SNX19: variants seen among roughly 807,000 people sequenced by gnomAD.
SNX19 encodes the protein sorting nexin-19.
A neutral mutation model predicts 85.2 loss-of-function variants in SNX19; 60 were observed. The observed-to-expected ratio is 0.70, with a 90% CI of 0.57 to 0.87. The LOEUF is 0.87. SNX19 is among the 40% of genes least tolerant of loss of function. The pLI is 0.00. For missense variants in SNX19, 1,201 were observed against 1,217.8 expected, an observed-to-expected ratio of 0.99 and a Z score of 0.21; for synonymous variants, 520 against 470.0, an observed-to-expected ratio of 1.11 and a Z score of -1.38.
At chr11:130,880,132 C>T (rs545142544) in intron 9 of SNX19, among the ~76,000 whole-genome samples, 1 of 152,332 alleles carries the variant, frequency 6.6e-6, no homozygotes, top group Admixed American at 6.5e-5. Context: ...ACAACCTTCT[C>T]AGATTTTGTT....
chr11:130,900,284 C>T (rs535600619), intron 8 of SNX19, among the ~76,000 whole-genome samples: 14 of 152,216 alleles, frequency 9.2e-5, no homozygotes, highest in East Asian at 7.7e-4. Flanking sequence ...CCAGCCTGGG[C>T]GACAGAATGA....
chr11:130,894,309 G>A (rs945641236), intron 8 of SNX19, among the ~76,000 whole-genome samples: 1 of 152,140 alleles, frequency 6.6e-6, no homozygotes, highest in South Asian at 2.1e-4. Context: ...TTTTTAACGG[G>A]TGGGATCCAC....
chr11:130,886,778 C>T (rs1279124887), intron 8 of SNX19, among the ~76,000 whole-genome samples: 1 of 152,232 alleles, frequency 6.6e-6, no homozygotes, highest in Non-Finnish European at 1.5e-5. Flanking sequence ...CCTCTGTCTT[C>T]CTGCCATGGC....
intron 2 of SNX19, chr11:130,911,310 G>C: frequency 2.6e-6 from 1 of 385,402 alleles, no homozygotes; most frequent in Non-Finnish European, 3.8e-6. Context: ...TAATATTTAA[G>C]AACCACCAAT....
chr11:130,908,843 T>C (rs1423185977), intron 4 of SNX19, among the ~76,000 whole-genome samples: 1 of 152,156 alleles, frequency 6.6e-6, no homozygotes, highest in Non-Finnish European at 1.5e-5. Flanking sequence ...GAACGAAACA[T>C]TTACTCTTCC....
In SNX19 at chr11:130,869,056, A is replaced by C. The variant is rs901945794; in HGVS notation, c.*9366T>G. 1.3e-5 allele frequency: 2 copies of C among 152,206 alleles called. No homozygotes were observed. The highest frequency in any genetic ancestry group is 4.8e-5 in the African/African-American group (2 of 41,440). The allele number at this position is 152,206 out of a possible 1,614,324, so 9.4% of individuals were successfully genotyped here. On this transcript the variant is annotated 3_prime_UTR_variant, in exon 11 of 11. Coordinates refer to ENST00000265909, the MANE Select transcript of SNX19 (RefSeq NM_014758.3). Reference sequence around the variant, plus strand: ...ACGAGTTAGAATAGATAAGGTGAAAATTGTCTGCCATGGTATATGCTGGAA... The same window carrying C: ...ACGAGTTAGAATAGATAAGGTGAAACTTGTCTGCCATGGTATATGCTGGAA...
In SNX19 at chr11:130,915,313, G is replaced by A. The variant is rs775005736; in HGVS notation, c.627C>T (p.Val209=). 1 of 1,614,080 alleles carries A rather than the reference G, an allele frequency of 6.2e-7. No homozygotes were observed. The highest frequency in any genetic ancestry group is 8.5e-7 in the Non-Finnish European group (1 of 1,180,036). Residue 209 remains valine, a synonymous_variant, in exon 1 of 11, where the codon GTC becomes GTT. Coordinates refer to ENST00000265909, the MANE Select transcript of SNX19 (RefSeq NM_014758.3). ...AATTCACAACGCCACGCGTATAGGT[G>A]ACTTCAGCACTGGGGCTGTGCACAG... ...HPAVHSPSAE[V]TYTRGVVNLL...
chr11:130,897,745 C>A (rs1345050292), intron 8 of SNX19, among the ~76,000 whole-genome samples: 2 of 152,222 alleles, frequency 1.3e-5, no homozygotes, highest in Non-Finnish European at 2.9e-5. Flanking sequence ...ACTCTGAGTA[C>A]TTGCCCAGTT....
At position 130,915,816 on chromosome 11, in the gene SNX19, T is replaced by A. The variant is rs746828938; in HGVS notation, c.124A>T (p.Ile42Leu). The A allele has an allele frequency of 6.2e-7, 1 of 1,614,128 alleles. No homozygotes were observed. Among genetic ancestry groups the A allele is most frequent in the South Asian group, 1.1e-5 (1 of 91,084 alleles). Residue 42 changes from isoleucine to leucine, a missense_variant, in exon 1 of 11, where the codon ATA becomes TTA. Physicochemically the swap from Ile to Leu is conservative, Grantham distance 5. Coordinates refer to ENST00000265909, the MANE Select transcript of SNX19 (RefSeq NM_014758.3). ...VGVLLGWLLV[I>L]HLLVNVWLLC... The stretch of plus-strand genomic sequence containing the variant: ...AGCCACACGTTGACCAGAAGGTGTA[T>A]GACCAGGAGCCAGCCAAGCAAGACC...
chr11:130,914,100 G>A (rs916166454), intron 1 of SNX19, among the ~76,000 whole-genome samples, 166 bp downstream of exon 1: 3 of 151,904 alleles, frequency 2.0e-5, no homozygotes, highest in Middle Eastern at 3.4e-3. Context: ...CAGGATAAAC[G>A]CTACTCTGCC....
intron 8 of SNX19, chr11:130,894,864 A>C (rs968825442): frequency 2.0e-6 from 2 of 985,312 alleles, no homozygotes; most frequent in Non-Finnish European, 2.4e-6. Flanking sequence ...TCCTCTATAA[A>C]GCCTCTCTAA....
Position 130,915,605 on chromosome 11 carries a change from T to G in SNX19, c.335A>C (p.Asp112Ala), listed in dbSNP as rs1283908208. 6.2e-7 allele frequency: 1 copy of G among 1,614,044 alleles called. No individual in the cohort carries two copies. Among genetic ancestry groups the G allele is most frequent in the Non-Finnish European group, 8.5e-7 (1 of 1,180,036 alleles). ...GGAACGGTACCAAGATAACACAAAA[T>G]CTCGAATAATCATCTGGATGGTGCG... ...INRTIQMIIR[D>A]FVLSWYRSVS... Residue 112 changes from aspartate to alanine, a missense_variant, in exon 1 of 11, where the codon GAT becomes GCT. Asp to Ala is a moderately radical substitution (Grantham distance 126, BLOSUM62 -2). This residue lies in a region of SNX19 where 791 missense variants were observed against 750.9 expected (regional missense o/e 1.05). Coordinates refer to ENST00000265909, the MANE Select transcript of SNX19 (RefSeq NM_014758.3).
Position 130,914,913 on chromosome 11 carries a change from T to C in SNX19, c.1027A>G (p.Met343Val). The C allele has an allele frequency of 1.9e-6, 3 of 1,614,134 alleles. No homozygotes were observed. The highest frequency in any genetic ancestry group is 2.5e-6 in the Non-Finnish European group (3 of 1,180,026). The change falls in exon 1 of 11, where the codon ATG becomes GTG. Residue 343 changes from methionine to valine, a missense_variant. By Grantham distance (21) the Met-to-Val change is conservative (BLOSUM62 1). Transcript: ENST00000265909. ...TTTCCTACTTTTCTTTCTTCACACA[T>C]CCCACCCAAATCTCCCTCTACAGCT... ...HEAVEGDLGG[M>V]CEERKVGNNS...
intron 6 of SNX19, 88 bp downstream of exon 6, chr11:130,906,537 G>C (rs776876404): frequency 3.3e-6 from 3 of 914,304 alleles, no homozygotes; most frequent in Admixed American, 1.8e-5. Flanking sequence ...GGACATTTCT[G>C]ACTTCAGAGA....
chr11:130,881,834 G>C (rs1943698536), intron 8 of SNX19, among the ~76,000 whole-genome samples: 1 of 152,056 alleles, frequency 6.6e-6, no homozygotes, highest in Non-Finnish European at 1.5e-5. Context: ...CAATTACTTT[G>C]GAATATGCAT....
At chr11:130,884,247 A>G (rs1472571158) in intron 8 of SNX19, among the ~76,000 whole-genome samples, 1 of 152,194 alleles carries the variant, frequency 6.6e-6, no homozygotes, top group Non-Finnish European at 1.5e-5. Context: ...TGGCTAGAGC[A>G]CGGAAGACAA....
At chr11:130,911,127 G>A (rs1430651229) in intron 2 of SNX19, among the ~76,000 whole-genome samples, 4 of 151,580 alleles carry the variant, frequency 2.6e-5, no homozygotes, top group African/African-American at 9.7e-5. Flanking sequence ...CCTGGGAGGC[G>A]GAGGTTGCAG....
Position 130,874,726 on chromosome 11 carries a change from A to G in SNX19, c.*3696T>C, listed in dbSNP as rs192280426. On this transcript the variant is annotated 3_prime_UTR_variant, in exon 11 of 11. Coordinates refer to ENST00000265909, the MANE Select transcript of SNX19 (RefSeq NM_014758.3). ...GGTGTTGTGTGCTATGAGCAAAGGAAGAGCAGTAGCTGGAAATGAATAACC... is the reference window on the plus strand; with the variant it reads ...GGTGTTGTGTGCTATGAGCAAAGGAGGAGCAGTAGCTGGAAATGAATAACC... Among the ~76,000 whole-genome samples, 1 of 152,356 alleles carries G rather than the reference A, an allele frequency of 6.6e-6. No individual in the cohort carries two copies. Among genetic ancestry groups the G allele is most frequent in the Admixed American group, 6.5e-5 (1 of 15,304 alleles).
chr11:130,914,601 T>C lies in SNX19; in HGVS notation c.1339A>G (p.Ile447Val). Residue 447 changes from isoleucine (I) to valine (V), a missense_variant, in exon 1 of 11, where the codon ATC becomes GTC. Ile to Val is a conservative substitution (Grantham distance 29). Coordinates refer to ENST00000265909, the MANE Select transcript of SNX19 (RefSeq NM_014758.3). ...TCCTTGTCTGCTGTGTCAATATGGA[T>C]CTCTGGGCAGGAATTCAGTGTGGAG... ...PVSTLNSCPE[I>V]HIDTADKEIE... 1 of 1,613,932 alleles carries C rather than the reference T, an allele frequency of 6.2e-7. No individual in the cohort carries two copies. Among genetic ancestry groups the C allele is most frequent in the Non-Finnish European group, 8.5e-7 (1 of 1,179,852 alleles).
Sources: allele counts gnomAD v4.1 joint callset (sites outside exome capture counted in the v4.1 genomes callset), GRCh38; gene constraint gnomAD v4.1.1; regional missense constraint gnomAD v4.1.1; transcripts MANE v1.5; gene names NCBI Gene and HGNC (gene_info 2026-07-23, HGNC 2026-07-21).